Variants in NPC1 observed in about 807,000 individuals in gnomAD.
The protein encoded by NPC1 is Niemann-Pick C1 protein.
Under a neutral mutation model 140.4 loss-of-function variants are expected in NPC1, and 85 were observed. That is an observed-to-expected ratio of 0.61 (90% confidence interval 0.51 to 0.72). NPC1 has a LOEUF of 0.72. Among genes scored for constraint, NPC1 ranks in the 30% least tolerant of loss-of-function variants. NPC1 has a pLI of 0.00. For missense variants in NPC1, 1,504 were observed against 1,623.8 expected (o/e 0.93, Z 1.27); for synonymous variants, 656 against 624.8 (o/e 1.05, Z -0.74).
Position 23,560,293 on chromosome 18 carries a change from C to G in NPC1, c.819G>C (p.Trp273Cys). The part of the protein sequence containing the change: ...LGLDAMYVIM[W>C]ITYMAFLLVF... Reference sequence around the variant, plus strand: ...CAAGCAAAAACGCCATGTAGGTGATCCACATGATGACATACATGGCGTCCA... The same window carrying G: ...CAAGCAAAAACGCCATGTAGGTGATGCACATGATGACATACATGGCGTCCA... Residue 273 changes from tryptophan (W) to cysteine (C), a missense_variant, in exon 6 of 25, where the codon TGG (tryptophan) becomes TGC (cysteine). By Grantham distance (215) the Trp-to-Cys change is radical (BLOSUM62 -2). Coordinates refer to ENST00000269228, the MANE Select transcript of NPC1 (RefSeq NM_000271.5). The G allele has an allele frequency of 6.2e-7, 1 of 1,614,242 alleles. No homozygotes were observed. The highest frequency in any genetic ancestry group is 1.3e-5 in the African/African-American group (1 of 75,074).
At chr18:23,517,256 T>G (rs1440199960) in intron 3 of NPC1, among the ~76,000 whole-genome samples, 3 of 151,942 alleles carry the variant, frequency 2.0e-5, no homozygotes, top group Non-Finnish European at 2.9e-5. Flanking sequence ...TTCAAGCGAT[T>G]CTCCTGCCTC....
chr18:23,531,785 T>TTA lies in NPC1; in HGVS notation c.*415_*416dup. 1.9e-6 allele frequency: 3 copies of TTA among 1,553,994 alleles called. No individual in the cohort carries two copies. Among genetic ancestry groups the TTA allele is most frequent in the Non-Finnish European group, 1.7e-6 (2 of 1,157,582 alleles). ...ATAAAGCTCTTTAAACTATAAAATG[T>TTA]TATAAAGTGTATCTACAACCTCAAC... On this transcript the variant is annotated 3_prime_UTR_variant, in exon 25 of 25. Transcript: ENST00000269228.
At chr18:23,532,794 ATCT>A (rs1380352394) in intron 24 of NPC1, 5 of 796,488 alleles carry the variant, frequency 6.3e-6, no homozygotes, top group African/African-American at 1.9e-5. Context: ...CATTTTCTTA[ATCT>A]TCTACTTCAG....
At chr18:23,541,611 T>C in intron 14 of NPC1, among the ~76,000 whole-genome samples, 178 bp from the exon 15 acceptor site, 1 of 152,206 alleles carries the variant, frequency 6.6e-6, no homozygotes, top group East Asian at 1.9e-4. Context: ...GCCAGTGCTT[T>C]TCAAAGCACA....
At position 23,541,298 on chromosome 18, in the gene NPC1, C is replaced by T. The variant is rs772364989; in HGVS notation, c.2373+8G>A. ...ATTAAATAGACTATAATCCTGGCAC[C>T]AACTTACCTCTTGACGTTTAATGTC... On this transcript the variant is annotated splice_region_variant and intron_variant, in intron 15 of 24. Transcript: ENST00000269228. 12 of 1,614,106 alleles carry T rather than the reference C, an allele frequency of 7.4e-6. No homozygotes were observed. The highest frequency in any genetic ancestry group is 2.7e-5 in the African/African-American group (2 of 74,936).
At chr18:23,542,700 G>A (rs2058729008) in intron 14 of NPC1, among the ~76,000 whole-genome samples, 1 of 152,228 alleles carries the variant, frequency 6.6e-6, no homozygotes, top group South Asian at 2.1e-4. Context: ...TGAGTTGTGT[G>A]CACAGAAGAG....
Position 23,535,541 on chromosome 18 carries a change from C to T in NPC1, c.3405G>A (p.Leu1135=). Residue 1135 remains leucine, a synonymous_variant, in exon 22 of 25, where the codon TTG becomes TTA. Coordinates refer to ENST00000269228, the MANE Select transcript of NPC1 (RefSeq NM_000271.5). ...GCCACATAACTCCAAACATGTTGACCAAGACCATGGCGATGGTGGCACACA... is the reference window on the plus strand; with the variant it reads ...GCCACATAACTCCAAACATGTTGACTAAGACCATGGCGATGGTGGCACACA... The part of the protein sequence containing the change: ...VIMCATIAMV[L]VNMFGVMWLW... 1 of 1,614,032 alleles carries T rather than the reference C, an allele frequency of 6.2e-7. No homozygotes were observed. Among genetic ancestry groups the T allele is most frequent in the Non-Finnish European group, 8.5e-7 (1 of 1,179,996 alleles).
Position 23,532,277 on chromosome 18 carries a change from T to C in NPC1, c.3762A>G (p.Ser1254=), listed in dbSNP as rs779629154. The change falls in exon 25 of 25, where the codon TCA becomes TCG. Residue 1254 remains serine, a synonymous_variant. Transcript: ENST00000269228. ...LPVLLSYIGP[S]VNKAKSCATE... is the part of the protein sequence containing the mutation. ...TGGCACAACTTTTGGCTTTATTTACTGATGGCCCTATGAGAGAGAGAGACT... is the reference window on the plus strand; with the variant it reads ...TGGCACAACTTTTGGCTTTATTTACCGATGGCCCTATGAGAGAGAGAGACT... 6.2e-7 allele frequency: 1 copy of C among 1,614,186 alleles called. No homozygotes were observed.
chr18:23,560,432 C>T lies in NPC1; in HGVS notation c.680G>A (p.Cys227Tyr). ...MEPMNNATKG[C>Y]DESVDEVTAP... ...TGTGACCTCATCCACAGACTCGTCA[C>T]AGCCTTTGGTGGCATTGTTCATGGG... Residue 227 changes from cysteine to tyrosine, a missense_variant, in exon 6 of 25, where the codon TGT (cysteine) becomes TAT (tyrosine). Physicochemically the swap from Cys to Tyr is radical, Grantham distance 194. Transcript: ENST00000269228. 6.2e-7 allele frequency: 1 copy of T among 1,614,144 alleles called. No individual in the cohort carries two copies. Among genetic ancestry groups the T allele is most frequent in the Non-Finnish European group, 8.5e-7 (1 of 1,180,016 alleles).
rs749810276 is a variant in NPC1, at chr18:23,556,628, G to C, written c.956-15C>G. 7.4e-6 allele frequency: 12 copies of C among 1,613,658 alleles called. No homozygotes were observed. Among genetic ancestry groups the C allele is most frequent in the Non-Finnish European group, 8.5e-6 (10 of 1,179,884 alleles). ...GGACGCCTCTCCTGGAAGAACGGGA[G>C]AGGAAGGGAAGGTGGAGGTTAAGAG... On this transcript the variant is annotated splice_polypyrimidine_tract_variant and intron_variant, in intron 7 of 24. Coordinates refer to ENST00000269228, the MANE Select transcript of NPC1 (RefSeq NM_000271.5).
chr18:23,526,793 G>T (rs1303969072), downstream of NPC1: 9 of 1,610,464 alleles, frequency 5.6e-6, no homozygotes, highest in Non-Finnish European at 7.6e-6. Flanking sequence ...CCCTTGCTCT[G>T]ATTCCAGTGT....
downstream of NPC1, chr18:23,529,113 T>C (rs758433531): frequency 1.9e-6 from 3 of 1,561,058 alleles, no homozygotes; most frequent in East Asian, 6.8e-5. Flanking sequence ...TCCTTGTGGA[T>C]GAACTGTAAA....
At chr18:23,532,863 C>T (rs2145331884) in intron 24 of NPC1, 2 of 985,134 alleles carry the variant, frequency 2.0e-6, no homozygotes, top group Non-Finnish European at 2.4e-6. Context: ...GTTCTTTCAA[C>T]CGTGGGTCAT....
At chr18:23,540,969 G>A (rs1019871104) in intron 16 of NPC1, 99 bp downstream of exon 16, 40 of 1,363,598 alleles carry the variant, frequency 2.9e-5, no homozygotes, top group Non-Finnish European at 3.5e-5. Flanking sequence ...CATTTTAACA[G>A]CTTTAAGAAT....
chr18:23,516,380 A>G, intron 3 of NPC1: 3 of 1,614,234 alleles, frequency 1.9e-6, no homozygotes, highest in South Asian at 1.1e-5. Flanking sequence ...GCCTAAGTCA[A>G]CTAAACCCAG....
chr18:23,540,528 A>G lies in NPC1; in HGVS notation c.2524T>C (p.Phe842Leu), dbSNP rs190298665. Residue 842 changes from phenylalanine to leucine, a missense_variant, in exon 17 of 25, where the codon TTT (phenylalanine) becomes CTT (leucine). Transcript: ENST00000269228. ...DWMRPIVIAI[F>L]VGVLSFSIAV... ...ATGCTGAATGACAGAACACCCACAA[A>G]TATTGCTATCTGGAACAACAAATGA... 2.9e-5 allele frequency: 47 copies of G among 1,610,386 alleles called. No homozygotes were observed. The Admixed American group carries it at 6.2e-4, about 21-fold the overall frequency.
downstream of NPC1, among the ~76,000 whole-genome samples, chr18:23,525,214 G>A (rs1407027127): frequency 6.6e-6 from 1 of 151,836 alleles, no homozygotes; most frequent in Non-Finnish European, 1.5e-5. Flanking sequence ...CCAAAGTGCT[G>A]GGATTACAGG....
intron 24 of NPC1, 96 bp from the exon 25 acceptor site, chr18:23,532,380 CTG>C: frequency 7.4e-7 from 1 of 1,357,398 alleles, no homozygotes; most frequent in Non-Finnish European, 1.1e-6. Context: ...CTTTGGAAGA[CTG>C]AGGCAGGAGA....
At chr18:23,555,363 T>A (rs1428730021) in intron 8 of NPC1, among the ~76,000 whole-genome samples, 1 of 152,210 alleles carries the variant, frequency 6.6e-6, no homozygotes, top group Non-Finnish European at 1.5e-5. Flanking sequence ...ACACATAACC[T>A]CCTGCCTTGC....
Sources: gnomAD v4.1 joint callset for allele counts (sites outside exome capture counted in the v4.1 genomes callset) on GRCh38, gnomAD v4.1.1 for gene constraint, MANE v1.5 for transcripts, NCBI Gene and HGNC (gene_info 2026-07-23, HGNC 2026-07-21) for gene names.